The following CLVS1 variants were observed in gnomAD, a reference collection of about 807,000 sequenced individuals.
CLVS1 encodes the protein clavesin-1.
A neutral mutation model predicts 33.1 loss-of-function variants in CLVS1; 10 were observed. The ratio of observed to expected loss-of-function variants is 0.30; its 90% confidence interval spans 0.19 to 0.51. The LOEUF is 0.51. Ranked by LOEUF, CLVS1 falls within the 20% of genes least tolerant of loss-of-function variation. The pLI, the probability that CLVS1 is intolerant of heterozygous loss-of-function variation, is 0.97. For missense variants in CLVS1, 343 were observed against 433.4 expected (o/e 0.79, Z 1.85); for synonymous variants, 163 against 166.1 (o/e 0.98, Z 0.14).
chr8:61,399,276 C>T (rs1814656243), intron 3 of CLVS1, among the ~76,000 whole-genome samples: 1 of 152,164 alleles, frequency 6.6e-6, no homozygotes, highest in South Asian at 2.1e-4. Context: ...ATTTGCACTT[C>T]TCTAATGATC....
At chr8:61,083,588 T>G (rs946750876) in intron 1 of CLVS1, among the ~76,000 whole-genome samples, 1 of 152,032 alleles carries the variant, frequency 6.6e-6, no homozygotes, top group Non-Finnish European at 1.5e-5. Flanking sequence ...GAGATTCAAG[T>G]GCAGTACCGA....
upstream of CLVS1, among the ~76,000 whole-genome samples, chr8:61,285,811 A>G (rs970928930): frequency 1.3e-5 from 2 of 152,198 alleles, no homozygotes; most frequent in African/African-American, 2.4e-5. Context: ...AGGAGATGTC[A>G]GGATGATTTT....
chr8:61,176,935 G>T (rs1490527597), intron 2 of CLVS1, among the ~76,000 whole-genome samples: 1 of 152,190 alleles, frequency 6.6e-6, no homozygotes, highest in African/African-American at 2.4e-5. Flanking sequence ...GCCTAAGTCT[G>T]CTGAGTTCCC....
intron 2 of CLVS1, among the ~76,000 whole-genome samples, chr8:61,312,305 C>T (rs903350795): frequency 1.3e-5 from 2 of 152,206 alleles, no homozygotes; most frequent in African/African-American, 4.8e-5. Context: ...TAAACAGCCA[C>T]TGGGAAAGAT....
intron 2 of CLVS1, among the ~76,000 whole-genome samples, chr8:61,273,639 C>T (rs1433398996): frequency 2.0e-5 from 3 of 152,162 alleles, no homozygotes; most frequent in Non-Finnish European, 2.9e-5. Flanking sequence ...TAGCAATCAG[C>T]GAGACTCCGT....
At chr8:60,997,901 C>A in the CLVS1 span, among the ~76,000 whole-genome samples, 2 of 152,146 alleles carry the variant, frequency 1.3e-5, no homozygotes, top group East Asian at 3.9e-4. Context: ...AAGGTCATAG[C>A]CCTCTTGGGA....
the CLVS1 span, among the ~76,000 whole-genome samples, chr8:61,011,668 C>T: frequency 3.0e-4 from 45 of 152,168 alleles, no homozygotes; most frequent in African/African-American, 1.1e-3. Context: ...AGGCTGGTCT[C>T]GAATGCCTGA....
chr8:61,211,356 C>T (rs1411300388), intron 2 of CLVS1, among the ~76,000 whole-genome samples: 1 of 150,232 alleles, frequency 6.7e-6, no homozygotes, highest in Non-Finnish European at 1.5e-5. Context: ...TTCTTCTCTT[C>T]CCCCTCCTTC....
At chr8:61,136,733 G>T (rs1291302502) in intron 2 of CLVS1, among the ~76,000 whole-genome samples, 7 of 152,110 alleles carry the variant, frequency 4.6e-5, no homozygotes, top group African/African-American at 1.7e-4. Context: ...GTAACTAATG[G>T]ACACTAGACT....
intron 1 of CLVS1, among the ~76,000 whole-genome samples, chr8:61,107,458 C>T (rs1805558806): frequency 6.6e-6 from 1 of 152,236 alleles, no homozygotes; most frequent in Non-Finnish European, 1.5e-5. Context: ...CTAGCTGTAT[C>T]TTCACATTGG....
chr8:61,194,398 T>C (rs974410618), intron 2 of CLVS1, among the ~76,000 whole-genome samples: 3 of 152,022 alleles, frequency 2.0e-5, no homozygotes, highest in African/African-American at 7.2e-5. Context: ...AACCCTGGCA[T>C]TATTTTGCAT....
chr8:61,134,908 A>G (rs1806163605), intron 2 of CLVS1, among the ~76,000 whole-genome samples: 1 of 152,078 alleles, frequency 6.6e-6, no homozygotes. Context: ...GGGTAGTTTT[A>G]TCCTGCTGAC....
intron 2 of CLVS1, among the ~76,000 whole-genome samples, chr8:61,144,545 G>A (rs1806377505): frequency 6.6e-6 from 1 of 152,090 alleles, no homozygotes; most frequent in Non-Finnish European, 1.5e-5. Context: ...ATAGTAGAAT[G>A]ATGTATAATC....
chr8:61,367,695 A>C (rs1813269882), intron 2 of CLVS1, among the ~76,000 whole-genome samples: 1 of 152,132 alleles, frequency 6.6e-6, no homozygotes. Context: ...TCCTCCTCCT[A>C]CAGATGAGGG....
At chr8:61,092,213 A>G (rs2979419) in intron 1 of CLVS1, among the ~76,000 whole-genome samples, 97,559 of 152,030 alleles carry the variant, frequency 0.64, 31,538 homozygotes, top group African/African-American at 0.69. Flanking sequence ...AACTTTTTCC[A>G]TTAATTACCA....
chr8:61,270,646 G>A (rs2129592685), intron 2 of CLVS1, among the ~76,000 whole-genome samples: 1 of 152,178 alleles, frequency 6.6e-6, no homozygotes, highest in African/African-American at 2.4e-5. Flanking sequence ...TCTGTTCCTG[G>A]ACTCTTTTTG....
intron 2 of CLVS1, among the ~76,000 whole-genome samples, chr8:61,254,124 G>GT (rs1809017986): frequency 6.6e-6 from 1 of 152,172 alleles, no homozygotes; most frequent in African/African-American, 2.4e-5. Context: ...CTGTTTGTTT[G>GT]TTTTCCTTCT....
At chr8:61,145,290 G>A (rs950408927) in intron 2 of CLVS1, among the ~76,000 whole-genome samples, 6 of 152,186 alleles carry the variant, frequency 3.9e-5, no homozygotes, top group Admixed American at 6.5e-5. Flanking sequence ...AAAAGTGGGC[G>A]AAGGATATGA....
At chr8:61,083,905 T>G (rs535351877) in intron 1 of CLVS1, among the ~76,000 whole-genome samples, 4 of 152,182 alleles carry the variant, frequency 2.6e-5, no homozygotes, top group African/African-American at 9.6e-5. Flanking sequence ...AATAAAGATG[T>G]ACATTTACTA....
Sources: gnomAD v4.1 joint callset for allele counts (sites outside exome capture counted in the v4.1 genomes callset) on GRCh38, gnomAD v4.1.1 for gene constraint, MANE v1.5 for transcripts, NCBI Gene and HGNC (gene_info 2026-07-23, HGNC 2026-07-21) for gene names.